PCSK6: variants seen among roughly 807,000 people sequenced by gnomAD.
The protein encoded by PCSK6 is paired basic amino acid cleaving enzyme 4.
Under a neutral mutation model 123.3 loss-of-function variants are expected in PCSK6, and 85 were observed. The ratio of observed to expected loss-of-function variants is 0.69; its 90% CI spans 0.58 to 0.83. PCSK6 has a LOEUF of 0.83. PCSK6 is among the 40% of genes least tolerant of loss of function. The pLI is 0.00. For missense variants in PCSK6, 1,191 were observed against 1,282.3 expected (o/e 0.93, Z 1.09); for synonymous variants, 508 against 516.0 (o/e 0.98, Z 0.21).
At chr15:101,333,859 G>T (rs962009189) in intron 13 of PCSK6, among the ~76,000 whole-genome samples, 1 of 152,134 alleles carries the variant, frequency 6.6e-6, no homozygotes, top group African/African-American at 2.4e-5. Flanking sequence ...AATGGCATTC[G>T]ACACTGACCC....
intron 13 of PCSK6, among the ~76,000 whole-genome samples, chr15:101,344,597 T>C (rs1396968018): frequency 6.6e-6 from 1 of 151,606 alleles, no homozygotes; most frequent in East Asian, 1.9e-4. Flanking sequence ...GGTGGAGGAG[T>C]GGAGAATGGA....
intron 1 of PCSK6, among the ~76,000 whole-genome samples, chr15:101,486,589 G>A (rs1423350142): frequency 6.6e-6 from 1 of 152,212 alleles, no homozygotes; most frequent in Non-Finnish European, 1.5e-5. Flanking sequence ...AGGCTGTCTT[G>A]TCTTGTCCCT....
chr15:101,372,885 C>T (rs1241090474), intron 11 of PCSK6, among the ~76,000 whole-genome samples: 2 of 152,144 alleles, frequency 1.3e-5, no homozygotes, highest in Non-Finnish European at 2.9e-5. Context: ...CACACTCCAA[C>T]CAATTGCTCA....
chr15:101,323,634 G>A (rs990052881), intron 17 of PCSK6, among the ~76,000 whole-genome samples: 5 of 151,752 alleles, frequency 3.3e-5, no homozygotes, highest in African/African-American at 1.2e-4. Flanking sequence ...TCGGGAGGCT[G>A]TGGTAGGAGA....
At chr15:101,347,650 G>C (rs779561848) in intron 13 of PCSK6, 157 of 1,582,490 alleles carry the variant, frequency 9.9e-5, no homozygotes, top group Non-Finnish European at 1.3e-4. Flanking sequence ...TCCAGCTCTG[G>C]ACTTCCAAAG....
chr15:101,313,780 C>T (rs573361679), intron 19 of PCSK6: 3 of 392,286 alleles, frequency 7.6e-6, no homozygotes, highest in African/African-American at 4.0e-5. Flanking sequence ...GATGATGGGC[C>T]CTGTTTCCAA....
At chr15:101,350,141 C>T (rs1346245731) in intron 13 of PCSK6, among the ~76,000 whole-genome samples, 2 of 152,056 alleles carry the variant, frequency 1.3e-5, no homozygotes, top group East Asian at 1.9e-4. Context: ...CTCCTGACCT[C>T]GTGATCCACC....
chr15:101,335,319 T>C (rs2040455816), intron 13 of PCSK6, among the ~76,000 whole-genome samples: 1 of 152,218 alleles, frequency 6.6e-6, no homozygotes, highest in Non-Finnish European at 1.5e-5. Flanking sequence ...ACATTAAAAC[T>C]TTTTAAAAGT....
rs112469097 is a variant in PCSK6 at position 101,452,741 on chromosome 15, C to T, written c.298-9081G>A. Reference sequence around the variant, plus strand: ...GGGAAAGTGAAGACACAGGACATGGCAGATTGGTTACCCACAGAGCACAGA... The same window carrying T: ...GGGAAAGTGAAGACACAGGACATGGTAGATTGGTTACCCACAGAGCACAGA... On this transcript the variant is annotated intron_variant, in intron 1 of 21. Coordinates refer to ENST00000611716, the MANE Select transcript of PCSK6 (RefSeq NM_002570.5). Among the ~76,000 whole-genome samples, 1,193 of 152,256 alleles carry T rather than the reference C, an allele frequency of 7.8e-3. 12 individuals carry two copies. The highest frequency in any genetic ancestry group is 0.024 in the African/African-American group (980 of 41,536).
At chr15:101,375,408 A>C (rs1292676006) in intron 11 of PCSK6, among the ~76,000 whole-genome samples, 1 of 152,242 alleles carries the variant, frequency 6.6e-6, no homozygotes, top group Non-Finnish European at 1.5e-5. Context: ...TTAAATTTAT[A>C]GCACACTTTT....
rs74606792 is a variant in PCSK6 at position 101,310,034 on chromosome 15, C to T, written c.2700-2709G>A. The stretch of plus-strand genomic sequence containing the variant: ...CATGCTCCCTCGGAGCTGCCTGGCA[C>T]AGCAGCAGCGGACGGCCACGGCGTC... On this transcript the variant is annotated intron_variant, in intron 20 of 21. Transcript: ENST00000611716. 7.0e-3 allele frequency among the ~76,000 whole-genome samples: 1,072 copies of T among 152,362 alleles called. 45 individuals carry two copies. The East Asian group carries it at 0.086, about 12-fold the overall frequency.
At chr15:101,314,193 C>T (rs1205927241) in intron 19 of PCSK6, among the ~76,000 whole-genome samples, 2 of 152,262 alleles carry the variant, frequency 1.3e-5, no homozygotes, top group East Asian at 3.9e-4. Flanking sequence ...AGGAGAGACT[C>T]GAAGACACAA....
intron 1 of PCSK6, among the ~76,000 whole-genome samples, chr15:101,487,098 T>A (rs2058037357): frequency 6.6e-6 from 1 of 152,098 alleles, no homozygotes; most frequent in African/African-American, 2.4e-5. Flanking sequence ...TCTTATTGAG[T>A]GGGTAGAGGC....
intron 6 of PCSK6, among the ~76,000 whole-genome samples, chr15:101,401,091 A>T (rs2042572236): frequency 6.6e-6 from 1 of 152,242 alleles, no homozygotes; most frequent in Admixed American, 6.5e-5. Context: ...ACCAAGCTTA[A>T]CTGGAAACTT....
At chr15:101,383,333 G>A (rs928711907) in intron 10 of PCSK6, among the ~76,000 whole-genome samples, 2 of 148,092 alleles carry the variant, frequency 1.4e-5, no homozygotes, top group Non-Finnish European at 3.0e-5. Context: ...TCGTTTGAAC[G>A]CAGGAGGCAA....
At chr15:101,397,184 A>T (rs1309038849) in intron 7 of PCSK6, among the ~76,000 whole-genome samples, 1 of 152,132 alleles carries the variant, frequency 6.6e-6, no homozygotes, top group Non-Finnish European at 1.5e-5. Flanking sequence ...GCTCATTCTG[A>T]TAAGAGGAAA....
intron 17 of PCSK6, 130 bp downstream of exon 17, chr15:101,324,720 C>T: frequency 1.3e-6 from 1 of 752,004 alleles, no homozygotes; most frequent in Non-Finnish European, 2.1e-6. Context: ...CTTCCCTGTT[C>T]AAAGTCCTTA....
intron 11 of PCSK6, among the ~76,000 whole-genome samples, chr15:101,381,093 A>G (rs59386707): frequency 0.097 from 14,691 of 151,566 alleles, 785 homozygotes; most frequent in South Asian, 0.15. Flanking sequence ...CAGGCACGGT[A>G]GCTCACATCT....
intron 5 of PCSK6, 144 bp downstream of exon 5, chr15:101,429,843 T>C (rs769402628): frequency 1.9e-5 from 13 of 684,048 alleles, no homozygotes; most frequent in Non-Finnish European, 3.3e-5. Flanking sequence ...GCATGGCCTG[T>C]GACTCCTGGA....
Sources: allele counts gnomAD v4.1 joint callset (sites outside exome capture counted in the v4.1 genomes callset), GRCh38; gene constraint gnomAD v4.1.1; transcripts MANE v1.5; gene names NCBI Gene and HGNC (gene_info 2026-07-23, HGNC 2026-07-21).